Variants in MAP2K5 observed in about 807,000 individuals in gnomAD.
MAP2K5 encodes mitogen-activated protein kinase kinase 5.
Under a neutral mutation model 83.1 loss-of-function variants are expected in MAP2K5, and 49 were observed. That is an observed-to-expected ratio of 0.59 (90% CI 0.47 to 0.75). The LOEUF (loss-of-function observed/expected upper bound fraction) is 0.75. Ranked by LOEUF, MAP2K5 falls within the 30% of genes least tolerant of loss-of-function variation. The pLI is 0.00. For synonymous variants in MAP2K5, 202 were observed against 191.8 expected (o/e 1.05, Z -0.44); for missense variants, 457 against 557.5 (o/e 0.82, Z 1.82).
intron 13 of MAP2K5, among the ~76,000 whole-genome samples, chr15:67,692,263 G>A (rs575873208): frequency 6.6e-6 from 1 of 152,220 alleles, no homozygotes; most frequent in South Asian, 2.1e-4. Context: ...TCTTTCTTCT[G>A]TAGAAACCAG....
At chr15:67,609,863 G>A (rs1284806328) in intron 8 of MAP2K5, among the ~76,000 whole-genome samples, 8 of 152,066 alleles carry the variant, frequency 5.3e-5, no homozygotes, top group South Asian at 4.1e-4. Flanking sequence ...CCACTCAGGC[G>A]GAAGCCCTAA....
chr15:67,659,016 C>G (rs963687482), intron 12 of MAP2K5: 1 of 280,390 alleles, frequency 3.6e-6, no homozygotes, highest in Non-Finnish European at 7.0e-6. Context: ...TTATTAAGAA[C>G]AAAGTAGTAT....
At chr15:67,643,497 T>C (rs2086762690) in intron 9 of MAP2K5, among the ~76,000 whole-genome samples, 1 of 152,114 alleles carries the variant, frequency 6.6e-6, no homozygotes, top group South Asian at 2.1e-4. Context: ...CCCAGACTGG[T>C]GTGCAGTGGC....
At position 67,717,298 on chromosome 15, in the gene MAP2K5, A is replaced by G. The variant is rs2088850049; in HGVS notation, c.1045-10618A>G. Among the ~76,000 whole-genome samples the G allele has an allele frequency of 6.6e-6, 1 of 152,244 alleles. No individual in the cohort carries two copies. Among genetic ancestry groups the G allele is most frequent in the African/African-American group, 2.4e-5 (1 of 41,474 alleles). On this transcript the variant is annotated intron_variant, in intron 16 of 21. Transcript: ENST00000178640. The surrounding 1 kb of genome is among the most constrained non-coding windows in gnomAD (Gnocchi z 4.1). Reference sequence around the variant, plus strand: ...AAACTAAGGCCTAGTTTATTTATTAAAAAGAAACACAAATATTAACCTAAT... The same window carrying G: ...AAACTAAGGCCTAGTTTATTTATTAGAAAGAAACACAAATATTAACCTAAT...
chr15:67,599,915 G>A (rs947158597), intron 7 of MAP2K5, among the ~76,000 whole-genome samples: 2 of 151,956 alleles, frequency 1.3e-5, no homozygotes, highest in Non-Finnish European at 2.9e-5. Context: ...TATTTTATGG[G>A]CACCTACTAT....
At chr15:67,695,492 A>G (rs1807124483) in intron 15 of MAP2K5, among the ~76,000 whole-genome samples, 2 of 152,232 alleles carry the variant, frequency 1.3e-5, no homozygotes, top group African/African-American at 4.8e-5. Context: ...ATAAAATGTA[A>G]TTACCTTCCT....
At chr15:67,714,847 T>A (rs2088792593) in intron 16 of MAP2K5, among the ~76,000 whole-genome samples, 2 of 152,172 alleles carry the variant, frequency 1.3e-5, no homozygotes, top group African/African-American at 4.8e-5. Flanking sequence ...GTAAGTATAA[T>A]GCAAACATTT....
intron 3 of MAP2K5, among the ~76,000 whole-genome samples, chr15:67,570,058 T>A (rs1389044426): frequency 6.6e-6 from 1 of 152,230 alleles, no homozygotes; most frequent in African/African-American, 2.4e-5. Context: ...TCTGAAAGTT[T>A]CAGCTGAGAG....
rs2090115694 is a variant in MAP2K5 at position 67,770,171 on chromosome 15, GAAA to G, written c.1196+510_1196+512del. Among the ~76,000 whole-genome samples the G allele has an allele frequency of 6.6e-6, 1 of 152,150 alleles. No individual in the cohort carries two copies. Among genetic ancestry groups the G allele is most frequent in the Non-Finnish European group, 1.5e-5 (1 of 68,028 alleles). Reference sequence around the variant, plus strand: ...TGAATTTTGACATTTGGAAGACTATGAAAACAGTTCAGCCCACTTTAACCCTTA... The same window carrying G: ...TGAATTTTGACATTTGGAAGACTATGACAGTTCAGCCCACTTTAACCCTTA... On this transcript the variant is annotated intron_variant, in intron 20 of 21. Transcript: ENST00000178640. The surrounding 1 kb of genome is among the most constrained non-coding windows in gnomAD (Gnocchi z 5.0).
Position 67,801,200 on chromosome 15 carries a change from A to G in MAP2K5, c.1243-5446A>G, listed in dbSNP as rs1306897438. 2.0e-5 allele frequency among the ~76,000 whole-genome samples: 3 copies of G among 152,172 alleles called. No homozygotes were observed. The highest frequency in any genetic ancestry group is 7.2e-5 in the African/African-American group (3 of 41,426). ...TAAAGGGAGATGCATAGAGCCTTCA[A>G]GCAAGGCTCACAGGTCCAGCAATGA... On this transcript the variant is annotated intron_variant, in intron 21 of 21. Coordinates refer to ENST00000178640, the MANE Select transcript of MAP2K5 (RefSeq NM_145160.3). The surrounding 1 kb of genome is among the most constrained non-coding windows in gnomAD (Gnocchi z 4.8).
At chr15:67,642,754 T>A (rs1342711767) in intron 9 of MAP2K5, among the ~76,000 whole-genome samples, 1 of 152,170 alleles carries the variant, frequency 6.6e-6, no homozygotes, top group Admixed American at 6.5e-5. Context: ...GTGGAAGAAT[T>A]CCTTGAATGT....
At chr15:67,548,916 A>G in intron 1 of MAP2K5, 34 of 803,286 alleles carry the variant, frequency 4.2e-5, no homozygotes, top group Admixed American at 7.2e-5. Flanking sequence ...TATTTTTGAA[A>G]AAAAAAAAAA....
At chr15:67,689,629 T>C (rs2088049927) in intron 13 of MAP2K5, among the ~76,000 whole-genome samples, 1 of 152,188 alleles carries the variant, frequency 6.6e-6, no homozygotes, top group South Asian at 2.1e-4. Flanking sequence ...AGTCATACAG[T>C]AGGCTTACAT....
chr15:67,689,537 ATTGAT>A, intron 13 of MAP2K5, among the ~76,000 whole-genome samples: 1 of 152,250 alleles, frequency 6.6e-6, no homozygotes, highest in East Asian at 1.9e-4. Flanking sequence ...GAATGCAAAG[ATTGAT>A]TTGAGGATGA....
rs571421840 is a variant in MAP2K5 at position 67,549,671 on chromosome 15, G to A, written c.136-363G>A. 7.9e-4 allele frequency among the ~76,000 whole-genome samples: 120 copies of A among 152,248 alleles called. 1 individual carries two copies. Among genetic ancestry groups the A allele is most frequent in the Middle Eastern group, 3.4e-3 (1 of 294 alleles). On this transcript the variant is annotated intron_variant, in intron 1 of 21. Coordinates refer to ENST00000178640, the MANE Select transcript of MAP2K5 (RefSeq NM_145160.3). ...TTTTTTCCCAGAGATTCAGACCTAC[G>A]TCAGTCTGACTCTCAAAACCCCTCT... is the stretch of plus-strand genomic sequence containing the variant.
rs571056518 is a variant in MAP2K5 at position 67,790,366 on chromosome 15, G to T, written c.1243-16280G>T. Among the ~76,000 whole-genome samples the T allele has an allele frequency of 4.6e-5, 7 of 152,252 alleles. No homozygotes were observed. In the South Asian group the frequency reaches 1.5e-3, roughly 32 times the overall value. ...GGTTCATTACACTTCTGAGTGTGAG[G>T]TCTTTCCACAGAGCGCCCAAGGTCC... On this transcript the variant is annotated intron_variant, in intron 21 of 21. Coordinates refer to ENST00000178640, the MANE Select transcript of MAP2K5 (RefSeq NM_145160.3). The surrounding 1 kb of genome is among the most constrained non-coding windows in gnomAD (Gnocchi z 4.6).
chr15:67,641,311 C>G (rs1364787773), intron 9 of MAP2K5: 1 of 177,734 alleles, frequency 5.6e-6, no homozygotes, highest in Non-Finnish European at 1.3e-5. Flanking sequence ...TGTATACTGA[C>G]TATAATCCTC....
intron 13 of MAP2K5, among the ~76,000 whole-genome samples, chr15:67,667,330 G>C (rs2087405546): frequency 6.6e-6 from 1 of 152,134 alleles, no homozygotes; most frequent in Non-Finnish European, 1.5e-5. Context: ...AATTAAATAG[G>C]TAATATACTT....
chr15:67,682,839 T>TA (rs576946690), intron 13 of MAP2K5, among the ~76,000 whole-genome samples: 2,610 of 133,938 alleles, frequency 0.019, 82 homozygotes, highest in African/African-American at 0.067. Flanking sequence ...TCTCAAAAAA[T>TA]AAAAAAAAAA....
Sources: allele counts gnomAD v4.1 joint callset (sites outside exome capture counted in the v4.1 genomes callset), GRCh38; gene constraint gnomAD v4.1.1; non-coding constraint Gnocchi (gnomAD v3.1); transcripts MANE v1.5; gene names NCBI Gene and HGNC (gene_info 2026-07-23, HGNC 2026-07-21).